FAM13A: variants seen among roughly 807,000 people sequenced by gnomAD.
FAM13A encodes the protein protein FAM13A.
In FAM13A, 76 loss-of-function variants were observed where a neutral mutation model predicts 129.6. The observed-to-expected ratio is 0.59, with a 90% CI of 0.49 to 0.71. The LOEUF is 0.71. Among genes scored for constraint, FAM13A ranks in the 30% least tolerant of loss-of-function variants. FAM13A has a pLI of 0.00. For missense variants in FAM13A, 1,108 were observed against 1,249.3 expected, an observed-to-expected ratio of 0.89 and a Z score of 1.70; for synonymous variants, 443 against 449.9, an observed-to-expected ratio of 0.98 and a Z score of 0.20.
chr4:88,732,149 A>G lies in FAM13A; in HGVS notation c.2696T>C (p.Met899Thr), dbSNP rs776067146. 6.2e-6 allele frequency: 10 copies of G among 1,613,642 alleles called. No homozygotes were observed. In the Admixed American group the frequency reaches 1.7e-4, roughly 27 times the overall value. ...EDDSNVKPDF[M>T]VTLKTDFSAR... ...ACTGAAATCGGTTTTCAGAGTGACC[A>G]TGAAGTCTGGCTTCACATTGCTATC... is the stretch of plus-strand genomic sequence containing the variant. The change falls in exon 22 of 24, where the codon ATG (methionine) becomes ACG (threonine). Residue 899 changes from methionine to threonine, a missense_variant. Met to Thr is a moderately conservative substitution (Grantham distance 81). Coordinates refer to ENST00000264344, the MANE Select transcript of FAM13A (RefSeq NM_014883.4).
chr4:88,732,353 T>C (rs1738013787), intron 21 of FAM13A, 155 bp from the exon 22 acceptor site: 3 of 507,628 alleles, frequency 5.9e-6, no homozygotes, highest in East Asian at 6.2e-5. Context: ...AGATATATTA[T>C]TGAACATCTG....
At chr4:88,981,679 C>G (rs1761680538) in intron 4 of FAM13A, among the ~76,000 whole-genome samples, 1 of 152,098 alleles carries the variant, frequency 6.6e-6, no homozygotes, top group Admixed American at 6.6e-5. Context: ...AGGAGGCAAG[C>G]AGGGATATGA....
chr4:88,978,274 C>T (rs115316641), intron 4 of FAM13A, among the ~76,000 whole-genome samples: 1 of 152,166 alleles, frequency 6.6e-6, no homozygotes, highest in Non-Finnish European at 1.5e-5. Context: ...TTCTACACTT[C>T]AGTTTTTTAA....
intron 5 of FAM13A, among the ~76,000 whole-genome samples, chr4:88,925,986 C>T (rs930287954): frequency 1.3e-5 from 2 of 151,640 alleles, no homozygotes; most frequent in African/African-American, 2.4e-5. Flanking sequence ...GAACTTGCTG[C>T]GAGGATTGAG....
rs115139765 is a variant in FAM13A, at chr4:88,740,328, C to T, written c.2467-1203G>A. Reference sequence around the variant, plus strand: ...ACTTTACTGTAGCGATATGTTGACACGTGTCTCCTCCTTGAGACTGTAGCC... The same window carrying T: ...ACTTTACTGTAGCGATATGTTGACATGTGTCTCCTCCTTGAGACTGTAGCC... On this transcript the variant is annotated intron_variant, in intron 19 of 23. Transcript: ENST00000264344. Among the ~76,000 whole-genome samples, 676 of 152,302 alleles carry T rather than the reference C, an allele frequency of 4.4e-3. 10 individuals carry two copies. Among genetic ancestry groups the T allele is most frequent in the African/African-American group, 0.015 (640 of 41,564 alleles).
Position 88,970,732 on chromosome 4 carries a change from G to T in FAM13A, c.605+20241C>A, listed in dbSNP as rs1187691851. Among the ~76,000 whole-genome samples the T allele has an allele frequency of 2.6e-5, 4 of 152,182 alleles. No individual in the cohort carries two copies. The East Asian group carries it at 7.7e-4, about 29-fold the overall frequency. On this transcript the variant is annotated intron_variant, in intron 4 of 23. Coordinates refer to ENST00000264344, the MANE Select transcript of FAM13A (RefSeq NM_014883.4). ...ATAATTGAAATTTTAAAAAATTTCAGAACTCAGTGATAATGAAACAAGAGA... is the reference window on the plus strand; with the variant it reads ...ATAATTGAAATTTTAAAAAATTTCATAACTCAGTGATAATGAAACAAGAGA...
At chr4:88,961,247 T>C (rs1758551397) in intron 4 of FAM13A, among the ~76,000 whole-genome samples, 1 of 148,612 alleles carries the variant, frequency 6.7e-6, no homozygotes, top group Non-Finnish European at 1.5e-5. Flanking sequence ...AAAAATAGAA[T>C]AAGTTTACCT....
At chr4:88,827,583 T>C (rs1733218810) in intron 7 of FAM13A, among the ~76,000 whole-genome samples, 1 of 152,228 alleles carries the variant, frequency 6.6e-6, no homozygotes, top group Admixed American at 6.5e-5. Flanking sequence ...TTTCTCTTCC[T>C]CCTGGCCCTT....
At chr4:88,882,547 A>G (rs1473551395) in intron 6 of FAM13A, among the ~76,000 whole-genome samples, 1 of 152,040 alleles carries the variant, frequency 6.6e-6, no homozygotes, top group Non-Finnish European at 1.5e-5. Context: ...ATACCAACAT[A>G]GAACCTCCTT....
chr4:89,012,283 C>T lies in FAM13A; in HGVS notation c.427+8177G>A, dbSNP rs1003837043. On this transcript the variant is annotated intron_variant, in intron 3 of 23. Transcript: ENST00000264344. ...ATAAAAGATCAAAAGGCATGGAATA[C>T]ACCAAGCTGAGATAATCATACTATA... 2.6e-5 allele frequency among the ~76,000 whole-genome samples: 4 copies of T among 152,268 alleles called. No homozygotes were observed. In the South Asian group the frequency reaches 6.2e-4, roughly 24 times the overall value.
At chr4:88,952,652 A>G (rs1579460998) in intron 4 of FAM13A, among the ~76,000 whole-genome samples, 1 of 152,204 alleles carries the variant, frequency 6.6e-6, no homozygotes, top group East Asian at 1.9e-4. Context: ...AGCTTCTTTA[A>G]GTAGCAAACT....
At chr4:88,822,706 T>C (rs980394682) in intron 7 of FAM13A, among the ~76,000 whole-genome samples, 1 of 152,232 alleles carries the variant, frequency 6.6e-6, no homozygotes, top group African/African-American at 2.4e-5. Flanking sequence ...TTTCTTCAGA[T>C]TTCAAAGGTA....
At chr4:89,032,181 C>T (rs775782733) in intron 1 of FAM13A, among the ~76,000 whole-genome samples, 28 of 151,918 alleles carry the variant, frequency 1.8e-4, no homozygotes, top group Non-Finnish European at 3.5e-4. Context: ...GGAGGCGGAG[C>T]TTGCAGTGAG....
chr4:89,029,986 A>T, intron 1 of FAM13A: 1 of 199,488 alleles, frequency 5.0e-6, no homozygotes, highest in Non-Finnish European at 1.0e-5. Context: ...ATTTATAAGA[A>T]CAGTGAAACG....
chr4:88,744,732 CTT>C (rs971998180), intron 19 of FAM13A, among the ~76,000 whole-genome samples: 8 of 152,142 alleles, frequency 5.3e-5, no homozygotes, highest in Admixed American at 4.6e-4. Context: ...AAAGTTGACT[CTT>C]TGATTTTTTT....
chr4:88,783,293 T>A (rs535645251), intron 10 of FAM13A, among the ~76,000 whole-genome samples: 2 of 152,076 alleles, frequency 1.3e-5, no homozygotes, highest in African/African-American at 4.8e-5. Flanking sequence ...TTTTTTTCAC[T>A]TTTATTTTTA....
chr4:88,933,275 T>C (rs994162482), intron 5 of FAM13A, among the ~76,000 whole-genome samples: 4 of 152,110 alleles, frequency 2.6e-5, no homozygotes, highest in Non-Finnish European at 4.4e-5. Flanking sequence ...ATATATGAGG[T>C]TTGCATGAAC....
chr4:88,925,689 A>G (rs1258706983), intron 5 of FAM13A, among the ~76,000 whole-genome samples: 1 of 151,790 alleles, frequency 6.6e-6, no homozygotes, highest in East Asian at 1.9e-4. Context: ...AACTTAAAGT[A>G]TAATAATAAT....
intron 13 of FAM13A, among the ~76,000 whole-genome samples, chr4:88,759,829 G>A (rs889592089): frequency 6.6e-6 from 1 of 152,134 alleles, no homozygotes; most frequent in East Asian, 1.9e-4. Flanking sequence ...ATAATTTTAT[G>A]TTTAAACAAA....
Sources: allele counts gnomAD v4.1 joint callset (sites outside exome capture counted in the v4.1 genomes callset), GRCh38; gene constraint gnomAD v4.1.1; transcripts MANE v1.5; gene names NCBI Gene and HGNC (gene_info 2026-07-23, HGNC 2026-07-21).